AMN1: variants seen among roughly 807,000 people sequenced by gnomAD.
The protein encoded by AMN1 is protein AMN1 homolog.
In AMN1, 20 loss-of-function variants were observed where a neutral mutation model predicts 33.0. The observed-to-expected ratio is 0.61, with a 90% CI of 0.43 to 0.88. The LOEUF (loss-of-function observed/expected upper bound fraction) is 0.88, where lower values mean the gene tolerates loss of function less well. Ranked by LOEUF, AMN1 falls within the 40% of genes least tolerant of loss-of-function variation. AMN1 has a pLI of 0.00. For missense variants in AMN1, 246 were observed against 307.4 expected (o/e 0.80, Z 1.49); for synonymous variants, 114 against 111.9 (o/e 1.02, Z -0.12).
At chr12:31,699,785 T>G (rs897785930) in intron 3 of AMN1, among the ~76,000 whole-genome samples, 7 of 152,150 alleles carry the variant, frequency 4.6e-5, no homozygotes, top group African/African-American at 1.7e-4. Flanking sequence ...GCATCTGAAG[T>G]GGGGATAGTC....
intron 3 of AMN1, among the ~76,000 whole-genome samples, chr12:31,699,022 T>C (rs2139689455): frequency 6.6e-6 from 1 of 152,134 alleles, no homozygotes; most frequent in African/African-American, 2.4e-5. Context: ...GTTAGAACAT[T>C]CAGCTCAGTC....
At chr12:31,697,637 T>G in intron 4 of AMN1, 103 bp downstream of exon 4, 1 of 1,307,162 alleles carries the variant, frequency 7.7e-7, no homozygotes. Context: ...GTCAATAGTT[T>G]CAACAAAAAC....
chr12:31,684,527 G>A (rs940695892), intron 6 of AMN1, among the ~76,000 whole-genome samples: 8 of 148,960 alleles, frequency 5.4e-5, no homozygotes, highest in Non-Finnish European at 7.4e-5. Context: ...CTGGAGTGCC[G>A]TTGTGCGATC....
At chr12:31,709,199 A>T in intron 2 of AMN1, 94 bp downstream of exon 2, 1 of 1,389,188 alleles carries the variant, frequency 7.2e-7, no homozygotes, top group Non-Finnish European at 1.0e-6. Context: ...AAAAATGATT[A>T]CCAGTCTTAC....
chr12:31,682,439 G>T (rs1278112530), intron 6 of AMN1, among the ~76,000 whole-genome samples: 1 of 142,750 alleles, frequency 7.0e-6, no homozygotes, highest in African/African-American at 2.5e-5. Context: ...GAAGGGGGAG[G>T]GTAAGAGAAT....
chr12:31,701,439 G>A (rs1938996309), intron 3 of AMN1, among the ~76,000 whole-genome samples: 2 of 151,762 alleles, frequency 1.3e-5, no homozygotes, highest in South Asian at 2.1e-4. Flanking sequence ...GGGACTACAG[G>A]GTGCACCACC....
At chr12:31,714,932 C>T (rs925732047) in intron 1 of AMN1, 4 of 982,636 alleles carry the variant, frequency 4.1e-6, no homozygotes, top group African/African-American at 1.7e-5. Context: ...ATTTTATTAA[C>T]CATTCAAGTC....
At chr12:31,676,609 A>G (rs924898397) in intron 6 of AMN1, among the ~76,000 whole-genome samples, 7 of 150,656 alleles carry the variant, frequency 4.6e-5, no homozygotes, top group Admixed American at 3.3e-4. Flanking sequence ...GGTGTGAGCC[A>G]CCGCGCCTGG....
At position 31,697,382 on chromosome 12, in the gene AMN1, T is replaced by A; in HGVS notation, c.570A>T (p.Gly190=). Residue 190 remains glycine (G), a synonymous_variant, in exon 5 of 7, where the codon GGA becomes GGT. Coordinates refer to ENST00000281471, the MANE Select transcript of AMN1 (RefSeq NM_001113402.2). ...SDSGVIALVS[G]PCAKKLEEIH... ...TTACCTCTAATTTCTTCGCACAAGG[T>A]CCACTAACAAGTGCAATCACACCAC... 1 of 1,612,668 alleles carries A rather than the reference T, an allele frequency of 6.2e-7. No individual in the cohort carries two copies. The highest frequency in any genetic ancestry group is 8.5e-7 in the Non-Finnish European group (1 of 1,179,158).
chr12:31,686,032 T>C (rs1938248742), intron 6 of AMN1, among the ~76,000 whole-genome samples: 1 of 152,080 alleles, frequency 6.6e-6, no homozygotes, highest in Non-Finnish European at 1.5e-5. Context: ...TTATCTTAAA[T>C]CCATGATCTG....
intron 6 of AMN1, among the ~76,000 whole-genome samples, chr12:31,680,440 A>G (rs1215285604): frequency 6.6e-6 from 1 of 152,126 alleles, no homozygotes; most frequent in African/African-American, 2.4e-5. Flanking sequence ...ACCTCAGGTG[A>G]TCCGCCTGCC....
intron 5 of AMN1, among the ~76,000 whole-genome samples, chr12:31,690,572 T>G (rs1938459020): frequency 6.6e-6 from 1 of 152,208 alleles, no homozygotes. Context: ...GAATTGTCTA[T>G]TCATGTCCTT....
chr12:31,708,021 T>G (rs1363783513), intron 2 of AMN1, among the ~76,000 whole-genome samples: 1 of 152,232 alleles, frequency 6.6e-6, no homozygotes, highest in East Asian at 1.9e-4. Context: ...TTGCATTAAC[T>G]GTACAAATTG....
Position 31,686,924 on chromosome 12 carries a change from G to GGGTA in AMN1, c.703+2079_703+2082dup, listed in dbSNP as rs756249811. Among the ~76,000 whole-genome samples the GGGTA allele has an allele frequency of 3.3e-5, 5 of 152,250 alleles. No homozygotes were observed. The East Asian group carries it at 9.6e-4, about 29-fold the overall frequency. On this transcript the variant is annotated intron_variant, in intron 6 of 6. Transcript: ENST00000281471. ...GATATAAAATTCAAAAGATACAAAA[G>GGGTA]GGTATACAATGACATTTTTTTTCCT...
intron 6 of AMN1, among the ~76,000 whole-genome samples, chr12:31,675,259 G>T (rs1244162915): frequency 6.6e-6 from 1 of 151,412 alleles, no homozygotes; most frequent in Non-Finnish European, 1.5e-5. Context: ...CTCTGCGAAA[G>T]AAATTTAAAA....
intron 6 of AMN1, among the ~76,000 whole-genome samples, chr12:31,684,365 G>T (rs1938159493): frequency 6.6e-6 from 1 of 151,950 alleles, no homozygotes; most frequent in African/African-American, 2.4e-5. Flanking sequence ...CTAGGTAATA[G>T]ATTTACGATT....
chr12:31,721,872 A>T (rs538597761), intron 1 of AMN1, among the ~76,000 whole-genome samples: 1 of 152,324 alleles, frequency 6.6e-6, no homozygotes, highest in African/African-American at 2.4e-5. Context: ...GCTGCTAATC[A>T]AGTATACACC....
chr12:31,677,421 T>A (rs1937777650), intron 6 of AMN1, among the ~76,000 whole-genome samples: 1 of 152,240 alleles, frequency 6.6e-6, no homozygotes, highest in African/African-American at 2.4e-5. Flanking sequence ...TCTATCCTAG[T>A]AACAGTTAAG....
intron 6 of AMN1, among the ~76,000 whole-genome samples, chr12:31,675,939 T>G (rs1444441823): frequency 6.6e-6 from 1 of 151,932 alleles, no homozygotes; most frequent in Non-Finnish European, 1.5e-5. Context: ...TATTTGTAGA[T>G]GTTATACTGT....
Sources: allele counts gnomAD v4.1 joint callset (sites outside exome capture counted in the v4.1 genomes callset), GRCh38; gene constraint gnomAD v4.1.1; transcripts MANE v1.5; gene names NCBI Gene and HGNC (gene_info 2026-07-23, HGNC 2026-07-21).